USP37: variants seen among roughly 807,000 people sequenced by gnomAD.
The protein encoded by USP37 is ubiquitin carboxyl-terminal hydrolase 37.
Under a neutral mutation model 124.0 loss-of-function variants are expected in USP37, and 27 were observed. That is an observed-to-expected ratio of 0.22 (90% CI 0.16 to 0.30). The LOEUF is 0.30. Among genes scored for constraint, USP37 ranks in the 10% least tolerant of loss-of-function variants. The pLI is 1.00. For missense variants in USP37, 889 were observed against 1,140.4 expected, an observed-to-expected ratio of 0.78 and a Z score of 3.17; for synonymous variants, 365 against 388.0, an observed-to-expected ratio of 0.94 and a Z score of 0.70.
rs111870442 is a variant in USP37 at position 218,561,582 on chromosome 2, C to T, written c.-88-699G>A. ...CTGAGGCAAGAGAATCGCTGGAATC[C>T]GGGAGGCAGAGGCTGCAGTGAGCCG... On this transcript the variant is annotated intron_variant, in intron 2 of 25. Transcript: ENST00000258399. Among the ~76,000 whole-genome samples the T allele has an allele frequency of 9.3e-3, 1,408 of 151,302 alleles. 24 individuals carry two copies. The highest frequency in any genetic ancestry group is 0.032 in the African/African-American group (1,334 of 41,210).
At chr2:218,550,272 G>A (rs1660247562) in intron 5 of USP37, among the ~76,000 whole-genome samples, 1 of 149,784 alleles carries the variant, frequency 6.7e-6, no homozygotes, top group African/African-American at 2.5e-5. Context: ...CTGGATGTCA[G>A]AAACAGTGAC....
chr2:218,458,051 AAAAG>A (rs1689791156), intron 23 of USP37, among the ~76,000 whole-genome samples: 1 of 150,276 alleles, frequency 6.7e-6, no homozygotes, highest in African/African-American at 2.4e-5. Context: ...AAAAAAAAAA[AAAAG>A]AAAAGAAAAG....
At chr2:218,458,558 G>C (rs1689833972) in intron 23 of USP37, among the ~76,000 whole-genome samples, 1 of 151,948 alleles carries the variant, frequency 6.6e-6, no homozygotes, top group South Asian at 2.1e-4. Context: ...CTGGGTGACA[G>C]AGCGAGACTC....
At chr2:218,559,560 C>T (rs1693206702) in intron 3 of USP37, among the ~76,000 whole-genome samples, 1 of 152,162 alleles carries the variant, frequency 6.6e-6, no homozygotes, top group Non-Finnish European at 1.5e-5. Flanking sequence ...AACCTCTCTT[C>T]CAAAGAACCA....
In USP37 at chr2:218,537,709, T is replaced by C. The variant is rs1691733571; in HGVS notation, c.681-3003A>G. On this transcript the variant is annotated intron_variant, in intron 8 of 25. Transcript: ENST00000258399. ...TTGACTGGTTGATGCTGAGTATTTA[T>C]GTGTTCAAGAGAGAAGACAGGCTCA... Among the ~76,000 whole-genome samples the C allele has an allele frequency of 2.6e-5, 4 of 152,074 alleles. No individual in the cohort carries two copies. The East Asian group carries it at 5.8e-4, about 22-fold the overall frequency.
chr2:218,472,955 T>C (rs1690775609), intron 20 of USP37, among the ~76,000 whole-genome samples: 1 of 152,218 alleles, frequency 6.6e-6, no homozygotes, highest in Non-Finnish European at 1.5e-5. Context: ...CATTTGGTTG[T>C]CAGGTCTCTT....
At chr2:218,535,791 C>G (rs1315916155) in intron 8 of USP37, among the ~76,000 whole-genome samples, 1 of 150,692 alleles carries the variant, frequency 6.6e-6, no homozygotes, top group Non-Finnish European at 1.5e-5. Context: ...GGAGGCGGAG[C>G]TTGCAGTGAG....
intron 11 of USP37, chr2:218,501,050 T>G (rs2105993796): frequency 6.5e-6 from 1 of 154,806 alleles, no homozygotes; most frequent in African/African-American, 2.4e-5. Flanking sequence ...TCTTTTTTTT[T>G]TTTTTTTTGA....
At chr2:218,464,924 T>TA (rs1376512050) in intron 21 of USP37, among the ~76,000 whole-genome samples, 1 of 151,520 alleles carries the variant, frequency 6.6e-6, no homozygotes. Context: ...TTACTAAAAA[T>TA]AAAAAAATGA....
chr2:218,537,626 C>T (rs1298520863), intron 8 of USP37, among the ~76,000 whole-genome samples: 1 of 152,162 alleles, frequency 6.6e-6, no homozygotes, highest in Admixed American at 6.5e-5. Flanking sequence ...GGTTTGGATA[C>T]AGCAACAGAT....
chr2:218,534,739 AG>A, intron 8 of USP37, 33 bp from the exon 9 acceptor site: 1 of 1,385,738 alleles, frequency 7.2e-7, no homozygotes. Flanking sequence ...AATATAGTAC[AG>A]GTGTATAAAA....
At position 218,535,786 on chromosome 2, in the gene USP37, C is replaced by T. The variant is rs1227997586; in HGVS notation, c.681-1080G>A. On this transcript the variant is annotated intron_variant, in intron 8 of 25. Transcript: ENST00000258399. Reference sequence around the variant, plus strand: ...GGGAGAATGGCGTGAACCCGGGAGGCGGAGCTTGCAGTGAGCCAAGATCGC... The same window carrying T: ...GGGAGAATGGCGTGAACCCGGGAGGTGGAGCTTGCAGTGAGCCAAGATCGC... Among the ~76,000 whole-genome samples, 9 of 150,694 alleles carry T rather than the reference C, an allele frequency of 6.0e-5. 1 individual carries two copies. Among genetic ancestry groups the T allele is most frequent in the African/African-American group, 1.7e-4 (7 of 40,994 alleles).
intron 1 of USP37, among the ~76,000 whole-genome samples, chr2:218,566,311 C>T (rs1421493720): frequency 2.0e-5 from 3 of 152,112 alleles, no homozygotes; most frequent in Non-Finnish European, 4.4e-5. Context: ...AGCAATGTGG[C>T]TACAGTTTAG....
rs1355342630 is a variant in USP37 at position 218,455,737 on chromosome 2, TA to T, written c.2714-20del. ...TAATGACCTGAAACAAATAACATCT[TA>T]AAATCAAGGTTTTTAAAAACACACC... On this transcript the variant is annotated intron_variant, in intron 24 of 25. Coordinates refer to ENST00000258399, the MANE Select transcript of USP37 (RefSeq NM_020935.3). 1 of 1,610,500 alleles carries T rather than the reference TA, an allele frequency of 6.2e-7. No homozygotes were observed.
At chr2:218,534,539 G>C in intron 9 of USP37, 70 bp downstream of exon 9, 1 of 866,590 alleles carries the variant, frequency 1.2e-6, no homozygotes, top group South Asian at 3.0e-5. Flanking sequence ...AGATGGGTTA[G>C]GTTTTTATTT....
At chr2:218,517,441 T>C (rs1392929704) in intron 10 of USP37, among the ~76,000 whole-genome samples, 1 of 152,198 alleles carries the variant, frequency 6.6e-6, no homozygotes, top group Non-Finnish European at 1.5e-5. Context: ...TCTGTTATTA[T>C]TTTGTTTTGT....
intron 3 of USP37, among the ~76,000 whole-genome samples, 158 bp downstream of exon 3, chr2:218,560,662 A>G (rs191368782): frequency 1.6e-4 from 25 of 152,338 alleles, no homozygotes; most frequent in Middle Eastern, 6.8e-3. Context: ...AATCTAGCCA[A>G]TTATTACCAT....
intron 8 of USP37, among the ~76,000 whole-genome samples, chr2:218,541,152 T>C (rs1462525477): frequency 6.6e-6 from 1 of 152,178 alleles, no homozygotes; most frequent in Non-Finnish European, 1.5e-5. Flanking sequence ...ACTTGGAGAA[T>C]TTGTGCTGTC....
intron 4 of USP37, among the ~76,000 whole-genome samples, chr2:218,556,604 C>T (rs1692996093): frequency 6.9e-6 from 1 of 144,336 alleles, no homozygotes; most frequent in African/African-American, 2.5e-5. Flanking sequence ...ACCTCTGCCT[C>T]CCGGATTCAA....
Sources: gnomAD v4.1 joint callset for allele counts (sites outside exome capture counted in the v4.1 genomes callset) on GRCh38, gnomAD v4.1.1 for gene constraint, MANE v1.5 for transcripts, NCBI Gene and HGNC (gene_info 2026-07-23, HGNC 2026-07-21) for gene names.